TAFA2: variants seen among roughly 807,000 people sequenced by gnomAD.
TAFA2 encodes TAFA chemokine like family member 2.
Under a neutral mutation model 18.8 loss-of-function variants are expected in TAFA2, and 7 were observed. That is an observed-to-expected ratio of 0.37 (90% CI 0.21 to 0.70). The LOEUF (loss-of-function observed/expected upper bound fraction) is 0.70. Ranked by LOEUF, TAFA2 falls within the 30% of genes least tolerant of loss-of-function variation. The probability of loss-of-function intolerance (pLI) is 0.53; values close to 1 mark genes in which losing one functional copy is unlikely to be tolerated. For missense variants in TAFA2, 122 were observed against 158.1 expected (o/e 0.77, Z 1.23); for synonymous variants, 60 against 54.2 (o/e 1.11, Z -0.47).
intron 1 of TAFA2, among the ~76,000 whole-genome samples, chr12:61,885,205 T>A (rs1875321863): frequency 6.6e-6 from 1 of 152,172 alleles, no homozygotes; most frequent in Non-Finnish European, 1.5e-5. Context: ...AAGACCCATA[T>A]CCAGGTCCTC....
chr12:61,807,069 CA>C (rs1871646594), intron 2 of TAFA2, among the ~76,000 whole-genome samples: 1 of 146,364 alleles, frequency 6.8e-6, no homozygotes, highest in Admixed American at 6.6e-5. Context: ...TGTTAATCCC[CA>C]AAACAATGGC....
At chr12:61,797,357 A>C (rs1314577838) in intron 2 of TAFA2, among the ~76,000 whole-genome samples, 4 of 152,130 alleles carry the variant, frequency 2.6e-5, no homozygotes, top group Non-Finnish European at 4.4e-5. Flanking sequence ...GGAGAAAAAA[A>C]ATCCAGAAAA....
upstream of TAFA2, among the ~76,000 whole-genome samples, chr12:62,196,432 T>C (rs1274573363): frequency 2.0e-5 from 3 of 152,226 alleles, no homozygotes; most frequent in African/African-American, 7.2e-5. Flanking sequence ...CCTTCCTCCC[T>C]ATTAAGCTTT....
intron 1 of TAFA2, among the ~76,000 whole-genome samples, chr12:62,088,930 ACG>A (rs773719964): frequency 6.7e-6 from 1 of 150,034 alleles, no homozygotes; most frequent in Admixed American, 6.6e-5. Flanking sequence ...GTGTGTGTGC[ACG>A]CGCGCGCACG....
At chr12:62,064,380 G>C (rs1342976425) in intron 1 of TAFA2, among the ~76,000 whole-genome samples, 4 of 151,858 alleles carry the variant, frequency 2.6e-5, no homozygotes, top group Non-Finnish European at 4.4e-5. Context: ...AAACCCACTT[G>C]GTTTTGAATA....
At chr12:62,152,959 C>T (rs1186765401) in intron 1 of TAFA2, among the ~76,000 whole-genome samples, 1 of 152,138 alleles carries the variant, frequency 6.6e-6, no homozygotes, top group African/African-American at 2.4e-5. Flanking sequence ...CATATACTAC[C>T]GGACTCTAAG....
rs1475963574 is a variant in TAFA2, at chr12:61,851,743, C to A, written c.106+15577G>T. ...TGAACCGAGATTGTGCCACCGCACTCCAGCCTGGGCGACAGAGCGAGACTC... is the reference window on the plus strand; with the variant it reads ...TGAACCGAGATTGTGCCACCGCACTACAGCCTGGGCGACAGAGCGAGACTC... On this transcript the variant is annotated intron_variant, in intron 2 of 4. Transcript: ENST00000416284. 4.7e-4 allele frequency among the ~76,000 whole-genome samples: 56 copies of A among 120,364 alleles called. No homozygotes were observed. In the Admixed American group the frequency reaches 6.1e-3, roughly 13 times the overall value. 79.0% of individuals were successfully genotyped at this position (120,364 alleles called of 152,430 possible). A position where few individuals can be genotyped will look rare whatever the true frequency, so the allele number is the denominator to read the frequency against.
chr12:62,119,347 A>T (rs1870097386), intron 1 of TAFA2, among the ~76,000 whole-genome samples: 1 of 132,198 alleles, frequency 7.6e-6, no homozygotes, highest in Admixed American at 7.5e-5. Flanking sequence ...AATCAGAATG[A>T]TTATAAAAAG....
chr12:62,161,282 G>A (rs1419789036), intron 1 of TAFA2, among the ~76,000 whole-genome samples: 3 of 152,056 alleles, frequency 2.0e-5, no homozygotes, highest in South Asian at 2.1e-4. Flanking sequence ...TATTCACATC[G>A]CAAAGATATG....
intron 4 of TAFA2, among the ~76,000 whole-genome samples, chr12:61,738,954 C>A (rs1868354813): frequency 6.6e-6 from 1 of 152,002 alleles, no homozygotes; most frequent in African/African-American, 2.4e-5. Flanking sequence ...AAAACTGGCC[C>A]ATTTTATTAG....
At chr12:62,157,206 T>C (rs1342014897) in intron 1 of TAFA2, among the ~76,000 whole-genome samples, 2 of 152,132 alleles carry the variant, frequency 1.3e-5, no homozygotes, top group African/African-American at 4.8e-5. Flanking sequence ...ACTTATTGTG[T>C]TTTTTTCTTT....
intron 1 of TAFA2, among the ~76,000 whole-genome samples, chr12:62,131,731 T>C (rs1427580896): frequency 6.6e-6 from 1 of 152,064 alleles, no homozygotes; most frequent in Non-Finnish European, 1.5e-5. Context: ...CATTTTTTAA[T>C]GTTCTTTTTT....
intron 1 of TAFA2, among the ~76,000 whole-genome samples, chr12:61,960,764 T>A (rs1278043653): frequency 9.2e-6 from 1 of 108,626 alleles, no homozygotes; most frequent in East Asian, 2.5e-4. Context: ...AGCCACTTTG[T>A]CCTATTTCAC....
chr12:62,152,905 C>G (rs571582388), intron 1 of TAFA2, among the ~76,000 whole-genome samples: 54 of 152,276 alleles, frequency 3.5e-4, no homozygotes, highest in African/African-American at 1.3e-3. Context: ...TATTGTGATA[C>G]GTTGATGTCT....
chr12:62,055,031 T>A (rs1344756899), intron 1 of TAFA2, among the ~76,000 whole-genome samples: 1 of 152,184 alleles, frequency 6.6e-6, no homozygotes, highest in East Asian at 1.9e-4. Flanking sequence ...AATGTGATAG[T>A]ATTAGGAGGT....
rs1350841934 is a variant in TAFA2, at chr12:61,747,725, G to A, written c.384+5897C>T. On this transcript the variant is annotated intron_variant, in intron 4 of 4. Coordinates refer to ENST00000416284, the MANE Select transcript of TAFA2 (RefSeq NM_178539.5). The stretch of plus-strand genomic sequence containing the variant: ...CTCTGGGGACTGTTGTGGGGTGGGG[G>A]GAGCGGGGAGGGATAGCACTGGGAG... 3.7e-5 allele frequency among the ~76,000 whole-genome samples: 5 copies of A among 134,254 alleles called. No individual in the cohort carries two copies. The East Asian group carries it at 1.2e-3, about 32-fold the overall frequency. The allele number at this position is 134,254 out of a possible 152,430, so 88.1% of individuals were successfully genotyped here.
chr12:62,106,848 C>T, intron 1 of TAFA2, among the ~76,000 whole-genome samples: 1 of 150,364 alleles, frequency 6.7e-6, no homozygotes, highest in Non-Finnish European at 1.5e-5. Context: ...GCTCATTTTA[C>T]TGCAATAGAG....
chr12:61,795,293 C>T (rs1276794548), intron 2 of TAFA2, among the ~76,000 whole-genome samples: 13 of 152,040 alleles, frequency 8.6e-5, no homozygotes, highest in South Asian at 4.1e-4. Flanking sequence ...ATGTTTATTG[C>T]GGCACTATTC....
intron 2 of TAFA2, among the ~76,000 whole-genome samples, chr12:61,775,364 A>C (rs1031035378): frequency 2.0e-5 from 3 of 151,906 alleles, no homozygotes; most frequent in African/African-American, 2.4e-5. Flanking sequence ...ATGGATATTT[A>C]TAGCAGCTAA....
Sources: gnomAD v4.1 joint callset for allele counts (sites outside exome capture counted in the v4.1 genomes callset) on GRCh38, gnomAD v4.1.1 for gene constraint, MANE v1.5 for transcripts, NCBI Gene and HGNC (gene_info 2026-07-23, HGNC 2026-07-21) for gene names.